Variants in FOCAD observed in about 807,000 individuals in gnomAD.
FOCAD encodes the protein KIAA1797.
In FOCAD, 198 loss-of-function variants were observed where a neutral mutation model predicts 225.6. The observed-to-expected ratio is 0.88, with a 90% CI of 0.78 to 0.99. The LOEUF is 0.99. FOCAD is among the 50% of genes least tolerant of loss of function. The pLI, the probability that FOCAD is intolerant of heterozygous loss-of-function variation, is 0.00. For missense variants in FOCAD, 2,713 were observed against 2,123.6 expected (o/e 1.28, Z -5.46); for synonymous variants, 897 against 755.0 (o/e 1.19, Z -3.08).
chr9:20,866,888 C>CTGTTTTTTTTTTTTTTT, intron 17 of FOCAD, 41 bp from the exon 18 acceptor site: 1 of 341,496 alleles, frequency 2.9e-6, no homozygotes, highest in Non-Finnish European at 4.2e-6. Flanking sequence ...TGTTTGCTTG[C>CTGTTTTTTTTTTTTTTT]TTTTTTTTTT....
At chr9:20,891,728 A>C (rs182294640) in intron 21 of FOCAD, among the ~76,000 whole-genome samples, 1 of 152,332 alleles carries the variant, frequency 6.6e-6, no homozygotes, top group East Asian at 1.9e-4. Flanking sequence ...ACCAAAGTGC[A>C]AGTTGAAGCA....
chr9:20,932,684 A>C (rs892022730), intron 27 of FOCAD, among the ~76,000 whole-genome samples: 1 of 152,260 alleles, frequency 6.6e-6, no homozygotes, highest in African/African-American at 2.4e-5. Flanking sequence ...AAGCATCCTT[A>C]GAAATATATA....
intron 19 of FOCAD, 183 bp downstream of exon 19, chr9:20,874,990 C>T (rs775242638): frequency 5.1e-5 from 35 of 683,410 alleles, no homozygotes; most frequent in South Asian, 1.4e-4. Flanking sequence ...TTAAATCATA[C>T]GAAAAAACGT....
At chr9:20,779,596 A>G (rs999119387) in intron 9 of FOCAD, among the ~76,000 whole-genome samples, 1 of 152,054 alleles carries the variant, frequency 6.6e-6, no homozygotes, top group African/African-American at 2.4e-5. Flanking sequence ...AAAAATACAA[A>G]AAAATTAGCC....
rs1564197578 is a variant in FOCAD, at chr9:20,953,055, A to C, written c.4122A>C (p.Gly1374=). Residue 1374 remains glycine (G), a synonymous_variant, in exon 35 of 44, where the codon GGA becomes GGC. Transcript: ENST00000338382. Reference sequence around the variant, plus strand: ...CAGCTATTGGCTTCTTCATTACAGGAGGAAAAAAAGGCAAGTGAGCACATT... The same window carrying C: ...CAGCTATTGGCTTCTTCATTACAGGCGGAAAAAAAGGCAAGTGAGCACATT... The part of the protein sequence containing the change: ...IGAAIGFFIT[G]GKKGPESVPP... The C allele has an allele frequency of 6.2e-7, 1 of 1,612,364 alleles. No individual in the cohort carries two copies. The highest frequency in any genetic ancestry group is 8.5e-7 in the Non-Finnish European group (1 of 1,179,162).
In FOCAD at chr9:20,901,196, G is replaced by A. The variant is rs1406723813; in HGVS notation, c.2626-5954G>A. On this transcript the variant is annotated intron_variant, in intron 21 of 43. Transcript: ENST00000338382. The stretch of plus-strand genomic sequence containing the variant: ...TTTTCTGGGAATGTGGAAACAATGT[G>A]TGTGTGTGTGTGTGTGTGTGTGTGT... Among the ~76,000 whole-genome samples the A allele has an allele frequency of 2.0e-4, 9 of 45,760 alleles. No individual in the cohort carries two copies. The East Asian group carries it at 5.5e-3, about 28-fold the overall frequency. The allele number at this position is 45,760 out of a possible 152,430, so 30.0% of individuals were successfully genotyped here.
intron 1 of FOCAD, among the ~76,000 whole-genome samples, chr9:20,692,907 C>T (rs1293215153): frequency 1.3e-5 from 2 of 152,084 alleles, no homozygotes; most frequent in East Asian, 3.8e-4. Context: ...AGTTTGTATA[C>T]AGAGATTGGG....
At position 20,799,328 on chromosome 9, in the gene FOCAD, T is replaced by C. The variant is rs186466174; in HGVS notation, c.1455+9720T>C. On this transcript the variant is annotated intron_variant, in intron 11 of 43. Transcript: ENST00000338382. ...CTGAAAAGAATGTATATTCTGTTGA[T>C]TTGGGGTGGAGATTTCTGTAGATGT... 6.0e-3 allele frequency among the ~76,000 whole-genome samples: 916 copies of C among 152,304 alleles called. 7 individuals are homozygous for C. Among genetic ancestry groups the C allele is most frequent in the South Asian group, 0.028 (137 of 4,824 alleles).
intron 10 of FOCAD, among the ~76,000 whole-genome samples, chr9:20,787,358 C>T (rs888334924): frequency 2.1e-4 from 32 of 152,206 alleles, no homozygotes; most frequent in Admixed American, 1.8e-3. Flanking sequence ...ATAACCTAAG[C>T]AGGAAAGTAG....
rs574297839 is a variant in FOCAD, at chr9:20,962,267, C to T, written c.4132+9202C>T. Among the ~76,000 whole-genome samples the T allele has an allele frequency of 2.2e-3, 331 of 152,184 alleles. 2 individuals carry two copies. The highest frequency in any genetic ancestry group is 7.7e-3 in the African/African-American group (321 of 41,514). ...TTATACTTCTTTGTTTAAACTCTGT[C>T]TTTTCCACTAGGTGTGATTTCCTCA... On this transcript the variant is annotated intron_variant, in intron 35 of 43. Transcript: ENST00000338382.
chr9:20,827,211 C>T (rs912921012), intron 15 of FOCAD, among the ~76,000 whole-genome samples: 2 of 152,014 alleles, frequency 1.3e-5, no homozygotes, highest in African/African-American at 4.8e-5. Context: ...CCATATTCCA[C>T]ATTTCTCCTA....
intron 4 of FOCAD, 22 bp from the exon 5 acceptor site, chr9:20,740,214 A>T: frequency 2.2e-6 from 3 of 1,387,668 alleles, no homozygotes; most frequent in Admixed American, 1.8e-5. Context: ...TATAACATTT[A>T]ACATGCTATA....
Position 20,948,857 on chromosome 9 carries a change from C to G in FOCAD, c.3805C>G (p.Pro1269Ala). ...TCTGATGCTTTGTTTTCAGGGCACT[C>G]CCACAATGCTTTGTCTGGCAGCTCT... Reference protein sequence around the residue: ...WIRIVLTEGTPTMLCLAALHG... With the variant: ...WIRIVLTEGTATMLCLAALHG... The change falls in exon 32 of 44, where the codon CCC becomes GCC. Residue 1269 changes from proline to alanine, a missense_variant. Pro to Ala is a conservative substitution (Grantham distance 27). Coordinates refer to ENST00000338382, the MANE Select transcript of FOCAD (RefSeq NM_001375567.1). The G allele has an allele frequency of 6.2e-7, 1 of 1,613,414 alleles. No individual in the cohort carries two copies. Among genetic ancestry groups the G allele is most frequent in the South Asian group, 1.1e-5 (1 of 91,064 alleles).
intron 24 of FOCAD, among the ~76,000 whole-genome samples, chr9:20,918,948 T>G (rs1184163847): frequency 6.6e-6 from 1 of 152,130 alleles, no homozygotes; most frequent in Non-Finnish European, 1.5e-5. Flanking sequence ...CAGCTTAGCT[T>G]CCCTTTCCTT....
chr9:20,879,813 G>A (rs537836116), intron 19 of FOCAD, among the ~76,000 whole-genome samples: 5 of 152,198 alleles, frequency 3.3e-5, no homozygotes, highest in Non-Finnish European at 4.4e-5. Flanking sequence ...CCCTGGGCTG[G>A]TGTTAGGTAA....
intron 18 of FOCAD, among the ~76,000 whole-genome samples, chr9:20,867,622 C>G (rs567567035): frequency 1.8e-4 from 28 of 151,982 alleles, no homozygotes; most frequent in Admixed American, 1.8e-3. Flanking sequence ...TAGTATCTGC[C>G]TATTATAATC....
At chr9:20,832,435 A>G (rs1351993352) in intron 15 of FOCAD, among the ~76,000 whole-genome samples, 3 of 151,894 alleles carry the variant, frequency 2.0e-5, no homozygotes, top group Admixed American at 1.3e-4. Context: ...GTAAGTATAT[A>G]TATTTATGAG....
At chr9:20,797,765 C>G (rs943371836) in intron 11 of FOCAD, among the ~76,000 whole-genome samples, 19 of 152,162 alleles carry the variant, frequency 1.2e-4, no homozygotes, top group Admixed American at 1.3e-4. Flanking sequence ...ATGGGGTTTT[C>G]TAGATATACA....
At chr9:20,763,686 A>T (rs1212456626) in intron 6 of FOCAD, among the ~76,000 whole-genome samples, 1 of 152,202 alleles carries the variant, frequency 6.6e-6, no homozygotes, top group Non-Finnish European at 1.5e-5. Context: ...AGATGGCTTG[A>T]TAAAGACCTG....
Sources: gnomAD v4.1 joint callset for allele counts (sites outside exome capture counted in the v4.1 genomes callset) on GRCh38, gnomAD v4.1.1 for gene constraint, MANE v1.5 for transcripts, NCBI Gene and HGNC (gene_info 2026-07-23, HGNC 2026-07-21) for gene names.